The following ASIC2 variants were observed in gnomAD, a reference collection of about 807,000 sequenced individuals.
The protein encoded by ASIC2 is acid sensing ion channel subunit 2.
In ASIC2, 25 loss-of-function variants were observed where a neutral mutation model predicts 57.3. The observed-to-expected ratio is 0.44, with a 90% CI of 0.32 to 0.61. The LOEUF is 0.61. Among genes scored for constraint, ASIC2 ranks in the 20% least tolerant of loss-of-function variants. The pLI, the probability that ASIC2 is intolerant of heterozygous loss-of-function variation, is 0.06. For missense variants in ASIC2, 641 were observed against 738.1 expected (o/e 0.87, Z 1.52); for synonymous variants, 319 against 307.5 (o/e 1.04, Z -0.39).
At chr17:33,518,589 G>T (rs1381699261) in intron 1 of ASIC2, among the ~76,000 whole-genome samples, 1 of 152,186 alleles carries the variant, frequency 6.6e-6, no homozygotes, top group Non-Finnish European at 1.5e-5. Context: ...AAATGAATTG[G>T]TTGGACTGAT....
intron 1 of ASIC2, among the ~76,000 whole-genome samples, chr17:33,568,145 A>G (rs1006984196): frequency 2.0e-5 from 3 of 152,132 alleles, no homozygotes; most frequent in Non-Finnish European, 2.9e-5. Flanking sequence ...ACAGTCAAAC[A>G]TGACCCAAAT....
At chr17:34,047,609 T>G (rs1410216255) in intron 1 of ASIC2, among the ~76,000 whole-genome samples, 1 of 151,916 alleles carries the variant, frequency 6.6e-6, no homozygotes, top group Non-Finnish European at 1.5e-5. Context: ...GCGGCATGAC[T>G]TTGTGGTTCT....
rs546481201 is a variant in ASIC2, at chr17:33,632,040, G to A, written c.556-519973C>T. Among the ~76,000 whole-genome samples the A allele has an allele frequency of 1.1e-4, 17 of 152,284 alleles. No homozygotes were observed. In the East Asian group the frequency reaches 3.3e-3, roughly 29 times the overall value. ...GGAGGCAGCATGGCAGAAGTTATAA[G>A]TGAGGGCTTGAGGGACAGAACTGGG... is the stretch of plus-strand genomic sequence containing the variant. On this transcript the variant is annotated intron_variant, in intron 1 of 9. Coordinates refer to the ASIC2 transcript ENST00000359872.
In ASIC2 at chr17:33,524,052, G is replaced by A. The variant is rs575021214; in HGVS notation, c.556-411985C>T. The stretch of plus-strand genomic sequence containing the variant: ...CTCCAGCTCCTCTCAGCTTTGAGCA[G>A]GTATCTTTCACTTTCAGGAGCAACT... On this transcript the variant is annotated intron_variant, in intron 1 of 9. Transcript: ENST00000359872. Among the ~76,000 whole-genome samples the A allele has an allele frequency of 2.0e-5, 3 of 152,298 alleles. No homozygotes were observed. The South Asian group carries it at 6.2e-4, about 32-fold the overall frequency.
intron 1 of ASIC2, among the ~76,000 whole-genome samples, chr17:33,311,786 C>T (rs1906435227): frequency 6.6e-6 from 1 of 152,150 alleles, no homozygotes; most frequent in African/African-American, 2.4e-5. Flanking sequence ...TCTTTCTTAA[C>T]CCTGCTTCTT....
chr17:33,347,531 G>C (rs1597693041), intron 1 of ASIC2, among the ~76,000 whole-genome samples: 1 of 152,318 alleles, frequency 6.6e-6, no homozygotes, highest in East Asian at 1.9e-4. Flanking sequence ...GAAATTCAAA[G>C]TGTTTGGTAG....
chr17:33,627,774 G>A (rs1030155492), intron 1 of ASIC2, among the ~76,000 whole-genome samples: 1 of 152,208 alleles, frequency 6.6e-6, no homozygotes, highest in Non-Finnish European at 1.5e-5. Flanking sequence ...TTCCACTGGG[G>A]AGCAGAGATA....
At chr17:33,251,204 T>C (rs1362544958) in intron 1 of ASIC2, among the ~76,000 whole-genome samples, 1 of 152,226 alleles carries the variant, frequency 6.6e-6, no homozygotes, top group East Asian at 1.9e-4. Flanking sequence ...GCAGTTGATC[T>C]CTACAGTTTC....
intron 1 of ASIC2, among the ~76,000 whole-genome samples, chr17:34,008,323 T>C (rs1448914784): frequency 3.9e-5 from 6 of 152,160 alleles, no homozygotes; most frequent in Admixed American, 1.3e-4. Context: ...TGAATCAGTC[T>C]CTTTTTTAAA....
intron 1 of ASIC2, among the ~76,000 whole-genome samples, chr17:33,289,918 AAAC>A (rs1365521885): frequency 1.3e-5 from 2 of 152,174 alleles, no homozygotes; most frequent in Non-Finnish European, 2.9e-5. Context: ...AAAAAACAAT[AAAC>A]AACAAGAGAT....
chr17:33,535,253 G>A (rs1422562543), intron 1 of ASIC2, among the ~76,000 whole-genome samples: 5 of 151,930 alleles, frequency 3.3e-5, no homozygotes, highest in Non-Finnish European at 7.4e-5. Context: ...AATGGATATG[G>A]TGGGAATAAA....
At chr17:34,035,130 C>A (rs980062690) in intron 1 of ASIC2, among the ~76,000 whole-genome samples, 4 of 149,736 alleles carry the variant, frequency 2.7e-5, no homozygotes, top group Non-Finnish European at 5.9e-5. Flanking sequence ...CTACAGTAAC[C>A]AAAACAGCAT....
intron 1 of ASIC2, among the ~76,000 whole-genome samples, chr17:33,927,813 C>A (rs1567758515): frequency 6.6e-6 from 1 of 152,144 alleles, no homozygotes; most frequent in African/African-American, 2.4e-5. Flanking sequence ...TTCCTGCCCT[C>A]CCCTGCCTAC....
At chr17:33,844,409 T>C (rs764893089) in intron 1 of ASIC2, among the ~76,000 whole-genome samples, 1 of 152,154 alleles carries the variant, frequency 6.6e-6, no homozygotes, top group Non-Finnish European at 1.5e-5. Context: ...GGCAGGACCA[T>C]TTAGATCACG....
intron 2 of ASIC2, among the ~76,000 whole-genome samples, chr17:33,109,391 T>A (rs1017822851): frequency 3.3e-5 from 5 of 152,130 alleles, no homozygotes. Flanking sequence ...CTGATCAGAT[T>A]TTTCTCTAAC....
rs35286664 is a variant in ASIC2, at chr17:33,037,389, CTTTTTTTTTTTT to C, written c.988-9009_988-8998del. 4.8e-5 allele frequency among the ~76,000 whole-genome samples: 6 copies of C among 123,832 alleles called. No homozygotes were observed. The Admixed American group carries it at 5.1e-4, about 10-fold the overall frequency. The allele number at this position is 123,832 out of a possible 152,430, so 81.2% of individuals were successfully genotyped here. On this transcript the variant is annotated intron_variant, in intron 3 of 9. Coordinates refer to ENST00000225823, the MANE Select transcript of ASIC2 (RefSeq NM_183377.2). ...TGTTCAGGGTCAGCCACTTCCCCCT[CTTTTTTTTTTTT>C]TTTTTTTTTTTGCAGAGGTCATGAT...
chr17:33,794,261 T>A (rs1911852854), intron 1 of ASIC2: 1 of 152,184 alleles, frequency 6.6e-6, no homozygotes, highest in African/African-American at 2.4e-5. Context: ...GGCCTCAGGC[T>A]TTCCCACAAG....
chr17:33,713,791 A>T (rs1249939706), intron 1 of ASIC2, among the ~76,000 whole-genome samples: 1 of 152,272 alleles, frequency 6.6e-6, no homozygotes, highest in African/African-American at 2.4e-5. Context: ...TTAATAGCAA[A>T]GTAGTTAATG....
intron 1 of ASIC2, among the ~76,000 whole-genome samples, chr17:33,769,135 G>A (rs559721743): frequency 6.6e-6 from 1 of 152,356 alleles, no homozygotes; most frequent in Non-Finnish European, 1.5e-5. Flanking sequence ...GCCATTGCTG[G>A]TGGAGTGCAG....
Sources: gnomAD v4.1 joint callset for allele counts (sites outside exome capture counted in the v4.1 genomes callset) on GRCh38, gnomAD v4.1.1 for gene constraint, MANE v1.5 for transcripts, NCBI Gene and HGNC (gene_info 2026-07-23, HGNC 2026-07-21) for gene names.